The following HPSE2 variants were observed in gnomAD, a reference collection of about 807,000 sequenced individuals.
HPSE2 encodes inactive heparanase-2.
Under a neutral mutation model 60.5 loss-of-function variants are expected in HPSE2, and 38 were observed. That is an observed-to-expected ratio of 0.63 (90% confidence interval 0.48 to 0.82). The LOEUF is 0.82. Ranked by LOEUF, HPSE2 falls within the 40% of genes least tolerant of loss-of-function variation. The pLI is 0.00. For missense variants in HPSE2, 713 were observed against 740.4 expected, an observed-to-expected ratio of 0.96 and a Z score of 0.43; for synonymous variants, 295 against 293.2, an observed-to-expected ratio of 1.01 and a Z score of -0.06.
chr10:99,311,257 T>C, the HPSE2 span, among the ~76,000 whole-genome samples: 4 of 152,160 alleles, frequency 2.6e-5, no homozygotes, highest in Non-Finnish European at 5.9e-5. Context: ...ACATAAAAAT[T>C]TTATTGGCAA....
intron 3 of HPSE2, among the ~76,000 whole-genome samples, chr10:98,943,208 A>G (rs899247249): frequency 1.4e-4 from 21 of 151,846 alleles, no homozygotes; most frequent in South Asian, 4.2e-4. Flanking sequence ...TTGTGCACAT[A>G]TACCCTAAAA....
chr10:98,567,374 T>G (rs1262645572), intron 9 of HPSE2, among the ~76,000 whole-genome samples: 1 of 152,128 alleles, frequency 6.6e-6, no homozygotes, highest in Non-Finnish European at 1.5e-5. Flanking sequence ...AATGCTTGAG[T>G]GACATATGAG....
chr10:99,277,819 C>T, the HPSE2 span, among the ~76,000 whole-genome samples: 447 of 152,048 alleles, frequency 2.9e-3, 3 homozygotes, highest in African/African-American at 1.0e-2. Flanking sequence ...GATATGCGGC[C>T]GGGCATGGTG....
chr10:98,474,232 A>G (rs945814956), intron 11 of HPSE2, among the ~76,000 whole-genome samples: 3 of 152,200 alleles, frequency 2.0e-5, no homozygotes, highest in Non-Finnish European at 2.9e-5. Flanking sequence ...GTGGTATTGA[A>G]TTAATGGGGT....
chr10:99,033,473 T>C lies in HPSE2; in HGVS notation c.610+110765A>G, dbSNP rs150495729. Among the ~76,000 whole-genome samples the C allele has an allele frequency of 1.6e-3, 236 of 152,026 alleles. 1 individual carries two copies. The highest frequency in any genetic ancestry group is 5.5e-3 in the African/African-American group (226 of 41,464). The stretch of plus-strand genomic sequence containing the variant: ...ACAATGATACAGTACTATATACCTA[T>C]TAGAAAAGCATTAAAAAACCAGTAA... On this transcript the variant is annotated intron_variant, in intron 3 of 11. Coordinates refer to ENST00000370552, the MANE Select transcript of HPSE2 (RefSeq NM_021828.5).
chr10:99,267,331 C>G, the HPSE2 span, among the ~76,000 whole-genome samples: 1 of 151,914 alleles, frequency 6.6e-6, no homozygotes, highest in African/African-American at 2.4e-5. Context: ...TACAGAAATA[C>G]AAATATACTG....
intron 3 of HPSE2, among the ~76,000 whole-genome samples, chr10:98,969,079 C>T (rs192010839): frequency 6.6e-6 from 1 of 152,222 alleles, no homozygotes; most frequent in African/African-American, 2.4e-5. Context: ...GTATTTTTAA[C>T]ATAAATCAAA....
At chr10:98,941,461 A>G (rs1175513283) in intron 3 of HPSE2, among the ~76,000 whole-genome samples, 1 of 141,184 alleles carries the variant, frequency 7.1e-6, no homozygotes, top group Non-Finnish European at 1.5e-5. Context: ...CCAAATCATC[A>G]GTGAACTCCC....
chr10:98,502,503 G>A (rs567574519), intron 9 of HPSE2, among the ~76,000 whole-genome samples: 64 of 152,256 alleles, frequency 4.2e-4, no homozygotes, highest in Non-Finnish European at 7.8e-4. Context: ...CCACATGTAG[G>A]AGAATGAAAC....
intron 3 of HPSE2, among the ~76,000 whole-genome samples, chr10:98,990,460 G>T (rs1432480645): frequency 6.6e-6 from 1 of 152,186 alleles, no homozygotes; most frequent in East Asian, 1.9e-4. Flanking sequence ...AACGCCAAGT[G>T]ATGGGGAGTG....
chr10:98,802,082 G>A (rs558096356), intron 3 of HPSE2, among the ~76,000 whole-genome samples: 2 of 152,118 alleles, frequency 1.3e-5, no homozygotes, highest in African/African-American at 4.8e-5. Flanking sequence ...ACATGTTGGA[G>A]AAAAGACAGT....
the HPSE2 span, among the ~76,000 whole-genome samples, chr10:99,305,987 A>G: frequency 5.0e-4 from 73 of 145,208 alleles, no homozygotes; most frequent in Middle Eastern, 3.7e-3. Flanking sequence ...GCGCACACAC[A>G]CACACACACA....
At chr10:99,131,663 T>C (rs1845389731) in intron 3 of HPSE2, among the ~76,000 whole-genome samples, 2 of 152,288 alleles carry the variant, frequency 1.3e-5, no homozygotes, top group African/African-American at 2.4e-5. Context: ...AAACATTGTA[T>C]GTTCTCACTC....
At chr10:98,897,625 G>T (rs1953532090) in intron 3 of HPSE2, among the ~76,000 whole-genome samples, 1 of 151,970 alleles carries the variant, frequency 6.6e-6, no homozygotes, top group South Asian at 2.1e-4. Context: ...CAAAAAAATG[G>T]TATGGAAACA....
chr10:99,297,226 C>T, the HPSE2 span, among the ~76,000 whole-genome samples: 2 of 152,122 alleles, frequency 1.3e-5, no homozygotes, highest in Non-Finnish European at 2.9e-5. Context: ...ATGTGACACC[C>T]GCCCCTCCTG....
At chr10:98,471,472 A>C (rs1370417989) in intron 11 of HPSE2, among the ~76,000 whole-genome samples, 1 of 152,152 alleles carries the variant, frequency 6.6e-6, no homozygotes, top group Non-Finnish European at 1.5e-5. Context: ...TCTAACTGTT[A>C]CATTCTGAAT....
intron 3 of HPSE2, among the ~76,000 whole-genome samples, chr10:98,984,821 G>A (rs958058994): frequency 9.8e-5 from 15 of 152,286 alleles, no homozygotes; most frequent in South Asian, 2.1e-4. Flanking sequence ...TGAAAACCAC[G>A]GCACGAGAAC....
At chr10:99,184,948 C>G (rs994728257) in intron 2 of HPSE2, among the ~76,000 whole-genome samples, 1 of 149,392 alleles carries the variant, frequency 6.7e-6, no homozygotes, top group African/African-American at 2.5e-5. Context: ...GTAATTGGTA[C>G]CTCCAAAAAA....
rs964854380 is a variant in HPSE2, at chr10:98,831,298, G to A, written c.611-87242C>T. ...TCCTGAAGAAGAATATGCATTCAGG[G>A]CTGACAGTGTGCTTCCTCCAAGGCA... On this transcript the variant is annotated intron_variant, in intron 3 of 11. Transcript: ENST00000370552. Among the ~76,000 whole-genome samples, 6 of 152,234 alleles carry A rather than the reference G, an allele frequency of 3.9e-5. 1 individual carries two copies. Among genetic ancestry groups the A allele is most frequent in the Non-Finnish European group, 8.8e-5 (6 of 68,008 alleles).
Sources: allele counts gnomAD v4.1 joint callset (sites outside exome capture counted in the v4.1 genomes callset), GRCh38; gene constraint gnomAD v4.1.1; transcripts MANE v1.5; gene names NCBI Gene and HGNC (gene_info 2026-07-23, HGNC 2026-07-21).